WASF3: variants seen among roughly 807,000 people sequenced by gnomAD.
The protein encoded by WASF3 is actin-binding protein WASF3.
A neutral mutation model predicts 46.6 loss-of-function variants in WASF3; 11 were observed. The ratio of observed to expected loss-of-function variants is 0.24; its 90% CI spans 0.15 to 0.39. The LOEUF (loss-of-function observed/expected upper bound fraction) is 0.39. Among genes scored for constraint, WASF3 ranks in the 10% least tolerant of loss-of-function variants. The probability of loss-of-function intolerance (pLI) is 1.00; values close to 1 mark genes in which losing one functional copy is unlikely to be tolerated. For missense variants in WASF3, 576 were observed against 669.8 expected, an observed-to-expected ratio of 0.86 and a Z score of 1.55; for synonymous variants, 242 against 259.7, an observed-to-expected ratio of 0.93 and a Z score of 0.65.
chr13:26,542,275 A>G, the WASF3 span, among the ~76,000 whole-genome samples: 1 of 152,214 alleles, frequency 6.6e-6, no homozygotes, highest in Non-Finnish European at 1.5e-5. Context: ...TGGGTTATAA[A>G]TAAGATTGTA....
chr13:26,579,255 A>C (rs1879902846), intron 1 of WASF3, among the ~76,000 whole-genome samples: 4 of 151,796 alleles, frequency 2.6e-5, no homozygotes. Context: ...TCTTGCCTTA[A>C]GGAGAGAGAA....
intron 1 of WASF3, among the ~76,000 whole-genome samples, chr13:26,610,202 G>C (rs1297818076): frequency 2.0e-5 from 3 of 152,226 alleles, no homozygotes; most frequent in Non-Finnish European, 4.4e-5. Context: ...TCCCTTTAAA[G>C]AATCCTCCCT....
the WASF3 span, among the ~76,000 whole-genome samples, chr13:26,546,798 C>T: frequency 6.6e-6 from 1 of 152,204 alleles, no homozygotes; most frequent in South Asian, 2.1e-4. Flanking sequence ...TGATTTGGCC[C>T]GCTGGCTCCA....
chr13:26,655,409 T>A (rs1882437871), intron 3 of WASF3, among the ~76,000 whole-genome samples: 1 of 152,248 alleles, frequency 6.6e-6, no homozygotes, highest in African/African-American at 2.4e-5. Context: ...CTCATGTGTC[T>A]GCTTGTGTCA....
intron 3 of WASF3, among the ~76,000 whole-genome samples, chr13:26,663,121 C>T (rs1392244746): frequency 6.6e-6 from 1 of 152,082 alleles, no homozygotes; most frequent in Non-Finnish European, 1.5e-5. Flanking sequence ...GTTGAGTTAG[C>T]CGTAGAGAGA....
At position 26,665,077 on chromosome 13, in the gene WASF3, C is replaced by G. The variant is rs763549995; in HGVS notation, c.183C>G (p.Asn61Lys). 1 of 1,614,162 alleles carries G rather than the reference C, an allele frequency of 6.2e-7. No individual in the cohort carries two copies. Among genetic ancestry groups the G allele is most frequent in the South Asian group, 1.1e-5 (1 of 91,084 alleles). The change falls in exon 4 of 10, where the codon AAC becomes AAG. Residue 61 changes from asparagine (N) to lysine (K), a missense_variant. Around this residue, in one of 3 missense-constraint regions of WASF3, gnomAD observed 213 missense variants for 278.0 expected, o/e 0.77. Coordinates refer to ENST00000335327, the MANE Select transcript of WASF3 (RefSeq NM_006646.6). ...GTGAGTTGTTTAATGAGGCTAACAACTTCTACATCAGAGCAAATTCTCTTC... is the reference window on the plus strand; with the variant it reads ...GTGAGTTGTTTAATGAGGCTAACAAGTTCTACATCAGAGCAAATTCTCTTC... Reference protein sequence around the residue: ...IFGELFNEANNFYIRANSLQD... With the variant: ...IFGELFNEANKFYIRANSLQD...
chr13:26,682,591 CTCA>C lies in WASF3; in HGVS notation c.984-14_984-12del. On this transcript the variant is annotated splice_polypyrimidine_tract_variant and intron_variant, in intron 8 of 9. Transcript: ENST00000335327. The surrounding 1 kb of genome is among the most constrained non-coding windows in gnomAD (Gnocchi z 4.4). ...TCTTGTTCCCTTGGTGACTATGTGC[CTCA>C]TATCTCTCTCAGGATGCTCCCAGCG... The C allele has an allele frequency of 6.2e-6, 10 of 1,613,734 alleles. No individual in the cohort carries two copies. The highest frequency in any genetic ancestry group is 8.5e-6 in the Non-Finnish European group (10 of 1,179,932).
At chr13:26,663,919 A>G (rs754001345) in intron 3 of WASF3, among the ~76,000 whole-genome samples, 14 of 152,222 alleles carry the variant, frequency 9.2e-5, no homozygotes, top group South Asian at 2.1e-4. Flanking sequence ...ATTTGGACGG[A>G]TCACCTTTCT....
In WASF3 at chr13:26,600,504, A is replaced by G. The variant is rs539588863; in HGVS notation, c.-108-12457A>G. Among the ~76,000 whole-genome samples the G allele has an allele frequency of 1.9e-4, 29 of 152,216 alleles. No homozygotes were observed. In the South Asian group the frequency reaches 5.6e-3, roughly 29 times the overall value. ...GTAGCAGTGAAGTACATTGCTTCTC[A>G]TTTTTTCCTTTCTGGTTGCTCTCAT... On this transcript the variant is annotated intron_variant, in intron 1 of 9. Coordinates refer to ENST00000335327, the MANE Select transcript of WASF3 (RefSeq NM_006646.6).
chr13:26,683,778 A>G (rs1883317923), intron 9 of WASF3, among the ~76,000 whole-genome samples: 1 of 152,112 alleles, frequency 6.6e-6, no homozygotes, highest in African/African-American at 2.4e-5. Context: ...CACAAAACAC[A>G]TGGAAACAGA....
At chr13:26,546,165 C>A in the WASF3 span, among the ~76,000 whole-genome samples, 1 of 151,998 alleles carries the variant, frequency 6.6e-6, no homozygotes, top group Non-Finnish European at 1.5e-5. Flanking sequence ...CACAAATATG[C>A]GATTTGGGTC....
chr13:26,636,082 T>C (rs1881808671), intron 2 of WASF3, among the ~76,000 whole-genome samples: 1 of 152,268 alleles, frequency 6.6e-6, no homozygotes, highest in African/African-American at 2.4e-5. Flanking sequence ...CAGAAGTTTC[T>C]GCTGCCTTTT....
At chr13:26,602,675 A>G (rs976364135) in intron 1 of WASF3, among the ~76,000 whole-genome samples, 3 of 152,166 alleles carry the variant, frequency 2.0e-5, no homozygotes, top group Non-Finnish European at 2.9e-5. Context: ...AACTGAAGTT[A>G]TTTGTTGAAT....
In WASF3 at chr13:26,642,477, T is replaced by C. The variant is rs1882028393; in HGVS notation, c.133+74T>C. On this transcript the variant is annotated intron_variant, in intron 3 of 9. Transcript: ENST00000335327. ...AAATTGATTTTAATAGTTAAATGATTGTCCAAAGAAGAGATTGCAGCTTTA... is the reference window on the plus strand; with the variant it reads ...AAATTGATTTTAATAGTTAAATGATCGTCCAAAGAAGAGATTGCAGCTTTA... The C allele has an allele frequency of 1.0e-5, 15 of 1,483,742 alleles. No individual in the cohort carries two copies. In the Admixed American group the frequency reaches 3.6e-4, roughly 35 times the overall value. 91.9% of individuals were successfully genotyped at this position (1,483,742 alleles called of 1,614,324 possible). A position where few individuals can be genotyped will look rare whatever the true frequency, so the allele number is the denominator to read the frequency against.
intron 1 of WASF3, among the ~76,000 whole-genome samples, chr13:26,582,676 CAAAAAAAA>C (rs398022033): frequency 5.6e-5 from 3 of 53,400 alleles, no homozygotes; most frequent in African/African-American, 2.5e-4. Context: ...GACTCCGTCT[CAAAAAAAA>C]AAAAAAAAAA....
rs566453197 is a variant in WASF3, at chr13:26,571,466, A to T, written c.-109+13647A>T. 2.6e-5 allele frequency among the ~76,000 whole-genome samples: 4 copies of T among 152,300 alleles called. No individual in the cohort carries two copies. The South Asian group carries it at 8.3e-4, about 32-fold the overall frequency. On this transcript the variant is annotated intron_variant, in intron 1 of 9. Coordinates refer to ENST00000335327, the MANE Select transcript of WASF3 (RefSeq NM_006646.6). ...TGATTTTGTCTTCTTCTGAATAGTG[A>T]TTGAGTTGTACCAACACCATTTATA...
intron 1 of WASF3, among the ~76,000 whole-genome samples, chr13:26,560,073 C>T (rs1274396975): frequency 3.9e-5 from 6 of 151,998 alleles, no homozygotes; most frequent in Non-Finnish European, 8.8e-5. Context: ...CCCACCTCGG[C>T]CTCCCAAAAT....
At chr13:26,648,116 T>G (rs1038082843) in intron 3 of WASF3, among the ~76,000 whole-genome samples, 2 of 152,140 alleles carry the variant, frequency 1.3e-5, no homozygotes, top group Non-Finnish European at 2.9e-5. Flanking sequence ...TCTCTGGTTG[T>G]TTTTGATTTT....
At chr13:26,619,698 A>G (rs759948189) in intron 2 of WASF3, among the ~76,000 whole-genome samples, 4 of 152,240 alleles carry the variant, frequency 2.6e-5, no homozygotes, top group African/African-American at 9.6e-5. Context: ...CATCTGTTTA[A>G]TAAGATAATA....
Sources: allele counts gnomAD v4.1 joint callset (sites outside exome capture counted in the v4.1 genomes callset), GRCh38; gene constraint gnomAD v4.1.1; regional missense constraint gnomAD v4.1.1; non-coding constraint Gnocchi (gnomAD v3.1); transcripts MANE v1.5; gene names NCBI Gene and HGNC (gene_info 2026-07-23, HGNC 2026-07-21).